Variants in L3MBTL4 observed in about 807,000 individuals in gnomAD.
L3MBTL4 encodes lethal(3)malignant brain tumor-like protein 4.
Under a neutral mutation model 84.5 loss-of-function variants are expected in L3MBTL4, and 70 were observed. The observed-to-expected ratio is 0.83, with a 90% CI of 0.68 to 1.01. The LOEUF is 1.01. Among genes scored for constraint, L3MBTL4 ranks in the 50% least tolerant of loss-of-function variants. The pLI is 0.00. For missense variants in L3MBTL4, 715 were observed against 754.8 expected, an observed-to-expected ratio of 0.95 and a Z score of 0.62; for synonymous variants, 274 against 259.8, an observed-to-expected ratio of 1.05 and a Z score of -0.52.
intron 16 of L3MBTL4, among the ~76,000 whole-genome samples, chr18:6,046,117 A>T (rs1006956902): frequency 6.6e-6 from 1 of 152,110 alleles, no homozygotes; most frequent in Non-Finnish European, 1.5e-5. Flanking sequence ...GATAAAACAG[A>T]CTTTAAACCA....
At chr18:6,302,608 T>C (rs1232122971) in intron 3 of L3MBTL4, among the ~76,000 whole-genome samples, 2 of 152,158 alleles carry the variant, frequency 1.3e-5, no homozygotes, top group Non-Finnish European at 2.9e-5. Context: ...AAAGACACAA[T>C]AACAAAGAGC....
intron 1 of L3MBTL4, among the ~76,000 whole-genome samples, chr18:6,379,274 T>G (rs949279447): frequency 6.6e-6 from 1 of 152,220 alleles, no homozygotes; most frequent in Admixed American, 6.5e-5. Context: ...CAGGGACAAT[T>G]TGACTTCCTC....
At chr18:6,091,182 CT>C (rs1241372287) in intron 15 of L3MBTL4, among the ~76,000 whole-genome samples, 1 of 152,190 alleles carries the variant, frequency 6.6e-6, no homozygotes, top group Admixed American at 6.5e-5. Context: ...TATGTTTTAT[CT>C]GTACATAATT....
chr18:6,298,798 C>T (rs541936449), intron 4 of L3MBTL4, among the ~76,000 whole-genome samples: 16 of 152,042 alleles, frequency 1.1e-4, no homozygotes, highest in Non-Finnish European at 2.1e-4. Context: ...CACTTGAACC[C>T]GGGAGGCGGA....
intron 14 of L3MBTL4, among the ~76,000 whole-genome samples, chr18:6,105,521 G>A (rs2058974927): frequency 6.6e-6 from 1 of 151,730 alleles, no homozygotes; most frequent in Admixed American, 6.6e-5. Flanking sequence ...AGTCTAGGCA[G>A]GGCGCAGTGG....
chr18:6,170,707 C>G (rs559449503), intron 13 of L3MBTL4, among the ~76,000 whole-genome samples: 6 of 152,214 alleles, frequency 3.9e-5, no homozygotes, highest in African/African-American at 1.4e-4. Flanking sequence ...GAGAAAGTTA[C>G]TGGCTGAGGC....
intron 1 of L3MBTL4, among the ~76,000 whole-genome samples, chr18:6,391,472 A>T (rs2055047774): frequency 6.6e-6 from 1 of 152,092 alleles, no homozygotes; most frequent in African/African-American, 2.4e-5. Context: ...AGTGATAGTA[A>T]CACTAGTCAT....
intron 6 of L3MBTL4, among the ~76,000 whole-genome samples, chr18:6,243,971 A>G (rs2047553975): frequency 6.6e-6 from 1 of 152,170 alleles, no homozygotes; most frequent in South Asian, 2.1e-4. Context: ...AATAAATGTG[A>G]CTGTTATGTT....
intron 4 of L3MBTL4, among the ~76,000 whole-genome samples, chr18:6,293,147 A>G (rs1380952022): frequency 6.6e-6 from 1 of 152,152 alleles, no homozygotes; most frequent in East Asian, 1.9e-4. Flanking sequence ...AGTTTACTCA[A>G]CTTCAACATA....
At chr18:6,224,903 T>C (rs2046711786) in intron 10 of L3MBTL4, among the ~76,000 whole-genome samples, 1 of 148,568 alleles carries the variant, frequency 6.7e-6, no homozygotes. Context: ...AATAAATAGA[T>C]ACAAAAACAA....
chr18:6,141,348 C>T (rs893523097), intron 13 of L3MBTL4, among the ~76,000 whole-genome samples: 19 of 152,098 alleles, frequency 1.2e-4, no homozygotes, highest in Admixed American at 6.5e-4. Context: ...TTCATTTCCA[C>T]GGCTTCATTT....
At chr18:6,142,452 T>A (rs866695846) in intron 13 of L3MBTL4, among the ~76,000 whole-genome samples, 1 of 152,384 alleles carries the variant, frequency 6.6e-6, no homozygotes, top group South Asian at 2.1e-4. Context: ...CTCAAATATA[T>A]TTTCATTACA....
At chr18:6,354,440 A>G (rs558561962) in intron 1 of L3MBTL4, among the ~76,000 whole-genome samples, 4 of 152,332 alleles carry the variant, frequency 2.6e-5, no homozygotes, top group Non-Finnish European at 5.9e-5. Flanking sequence ...GGATCACATC[A>G]AGTTAAAAAG....
chr18:6,092,998 G>C (rs1477623250), intron 15 of L3MBTL4, among the ~76,000 whole-genome samples: 5 of 152,104 alleles, frequency 3.3e-5, no homozygotes, highest in African/African-American at 1.2e-4. Flanking sequence ...ACAGATACTT[G>C]TCCATGTGCC....
intron 15 of L3MBTL4, among the ~76,000 whole-genome samples, chr18:6,091,914 T>C (rs764523293): frequency 6.6e-6 from 1 of 152,164 alleles, no homozygotes; most frequent in Non-Finnish European, 1.5e-5. Flanking sequence ...GCACTGTTCC[T>C]TGGAAATAGT....
intron 16 of L3MBTL4, among the ~76,000 whole-genome samples, chr18:5,974,207 A>G (rs1320448986): frequency 6.6e-6 from 1 of 152,036 alleles, no homozygotes; most frequent in Non-Finnish European, 1.5e-5. Context: ...TATGATGAAG[A>G]GCTTAAAGAT....
intron 15 of L3MBTL4, 40 bp from the exon 16 acceptor site, chr18:6,080,991 T>A (rs1350412846): frequency 2.0e-6 from 3 of 1,465,178 alleles, no homozygotes; most frequent in Admixed American, 3.8e-5. Flanking sequence ...TTCATTATCC[T>A]GTGAGGTAGG....
At chr18:6,324,779 A>T (rs1376736075) in intron 1 of L3MBTL4, among the ~76,000 whole-genome samples, 1 of 152,172 alleles carries the variant, frequency 6.6e-6, no homozygotes, top group African/African-American at 2.4e-5. Context: ...TGGCCTAAAG[A>T]TCTACTAATG....
intron 16 of L3MBTL4, among the ~76,000 whole-genome samples, chr18:5,971,065 C>T (rs2052617991): frequency 6.6e-6 from 1 of 152,240 alleles, no homozygotes; most frequent in Non-Finnish European, 1.5e-5. Context: ...TTGTCCAACA[C>T]TGACCTTTTT....
Sources: allele counts gnomAD v4.1 joint callset (sites outside exome capture counted in the v4.1 genomes callset), GRCh38; gene constraint gnomAD v4.1.1; transcripts MANE v1.5; gene names NCBI Gene and HGNC (gene_info 2026-07-23, HGNC 2026-07-21).